Variants in LIN7A observed in about 807,000 individuals in gnomAD.
LIN7A encodes the protein lin-7 cell polarity scaffold A.
LIN7A carries 25 observed loss-of-function variants against 29.8 expected under a neutral mutation model. The ratio of observed to expected loss-of-function variants is 0.84; its 90% CI spans 0.61 to 1.17. The LOEUF (loss-of-function observed/expected upper bound fraction) is 1.17, where lower values mean the gene tolerates loss of function less well. LIN7A is among the 50% of genes most tolerant of loss of function. LIN7A has a pLI of 0.00. For missense variants in LIN7A, 239 were observed against 287.0 expected (o/e 0.83, Z 1.21); for synonymous variants, 118 against 107.5 (o/e 1.10, Z -0.60).
At chr12:80,856,954 T>C (rs1190632804) in intron 2 of LIN7A, among the ~76,000 whole-genome samples, 1 of 152,242 alleles carries the variant, frequency 6.6e-6, no homozygotes, top group Non-Finnish European at 1.5e-5. Context: ...ATTTAGCCTC[T>C]GCACACCTGT....
intron 5 of LIN7A, among the ~76,000 whole-genome samples, chr12:80,799,316 G>C (rs1034554257): frequency 1.3e-5 from 2 of 151,844 alleles, no homozygotes; most frequent in African/African-American, 4.9e-5. Flanking sequence ...AGTGTGTCTT[G>C]TTGATCAAAT....
At chr12:80,900,460 A>T (rs571253640) in intron 1 of LIN7A, among the ~76,000 whole-genome samples, 1 of 152,284 alleles carries the variant, frequency 6.6e-6, no homozygotes, top group Admixed American at 6.5e-5. Flanking sequence ...CTGGTATGTT[A>T]TATCCTTGTT....
At chr12:80,844,485 T>G (rs1272950978) in intron 4 of LIN7A, among the ~76,000 whole-genome samples, 1 of 152,232 alleles carries the variant, frequency 6.6e-6, no homozygotes, top group Non-Finnish European at 1.5e-5. Context: ...AAATATCATG[T>G]TCCAATTACA....
At chr12:80,894,109 T>G (rs192130641) in intron 1 of LIN7A, among the ~76,000 whole-genome samples, 85 of 152,258 alleles carry the variant, frequency 5.6e-4, no homozygotes, top group African/African-American at 2.0e-3. Flanking sequence ...AGGCTTCGAG[T>G]CAGCAACATA....
intron 1 of LIN7A, among the ~76,000 whole-genome samples, chr12:80,912,998 C>T (rs1876843963): frequency 6.6e-6 from 1 of 152,052 alleles, no homozygotes; most frequent in Non-Finnish European, 1.5e-5. Context: ...ATGTCAAATG[C>T]AAGAATTCAC....
chr12:80,909,448 A>G (rs1047217707), intron 1 of LIN7A, among the ~76,000 whole-genome samples: 2 of 152,210 alleles, frequency 1.3e-5, no homozygotes, highest in Non-Finnish European at 2.9e-5. Context: ...TGAAAATACC[A>G]TAGGCTGGGT....
chr12:80,933,339 A>C (rs1177773794), intron 1 of LIN7A, among the ~76,000 whole-genome samples: 1 of 152,150 alleles, frequency 6.6e-6, no homozygotes. Flanking sequence ...TTATAAATGT[A>C]AAAACTGAAA....
rs1021760021 is a variant in LIN7A at position 80,793,656 on chromosome 12, T to G, written c.*4071A>C. 1.3e-5 allele frequency: 2 copies of G among 152,120 alleles called. No individual in the cohort carries two copies. The highest frequency in any genetic ancestry group is 2.9e-5 in the Non-Finnish European group (2 of 68,002). 9.4% of individuals were successfully genotyped at this position (152,120 alleles called of 1,614,324 possible). On this transcript the variant is annotated 3_prime_UTR_variant, in exon 6 of 6. Transcript: ENST00000552864. ...GAATAAACACATGGAAACATCTGAG[T>G]AAGTATGTGATTAAACTTCAGCTTA...
intron 2 of LIN7A, among the ~76,000 whole-genome samples, chr12:80,863,962 C>G (rs1874008048): frequency 6.6e-6 from 1 of 152,018 alleles, no homozygotes; most frequent in Non-Finnish European, 1.5e-5. Flanking sequence ...AATATTTACT[C>G]AACCCTCAAA....
chr12:80,850,621 G>T (rs1023555898), intron 2 of LIN7A, among the ~76,000 whole-genome samples: 1 of 152,140 alleles, frequency 6.6e-6, no homozygotes, highest in Non-Finnish European at 1.5e-5. Context: ...GGTGGCCAAG[G>T]ATGCTGCTAA....
intron 4 of LIN7A, among the ~76,000 whole-genome samples, chr12:80,818,411 T>C (rs1298468052): frequency 6.6e-6 from 1 of 152,220 alleles, no homozygotes; most frequent in Admixed American, 6.5e-5. Flanking sequence ...CCTTGCAACA[T>C]ATCTGTTAAA....
intron 1 of LIN7A, among the ~76,000 whole-genome samples, chr12:80,906,492 A>T (rs1795517): frequency 6.6e-6 from 1 of 151,932 alleles, no homozygotes; most frequent in Non-Finnish European, 1.5e-5. Context: ...TCTTGCTTTC[A>T]CTGGGGGTTG....
chr12:80,909,169 A>G (rs1876630466), intron 1 of LIN7A, among the ~76,000 whole-genome samples: 1 of 152,008 alleles, frequency 6.6e-6, no homozygotes, highest in Admixed American at 6.6e-5. Context: ...TTGAGGTTCA[A>G]TTTTTTGCAT....
intron 2 of LIN7A, among the ~76,000 whole-genome samples, chr12:80,882,783 A>G (rs945522800): frequency 3.3e-5 from 5 of 152,192 alleles, no homozygotes; most frequent in East Asian, 3.9e-4. Context: ...TAGGCACTGT[A>G]TTAGTCAAGG....
chr12:80,895,418 A>AT (rs2120689740), intron 1 of LIN7A, among the ~76,000 whole-genome samples: 1 of 152,322 alleles, frequency 6.6e-6, no homozygotes, highest in African/African-American at 2.4e-5. Context: ...AGACTGTGGA[A>AT]TTTGACTTAT....
chr12:80,826,580 T>A (rs1872090609), intron 4 of LIN7A, among the ~76,000 whole-genome samples: 1 of 152,168 alleles, frequency 6.6e-6, no homozygotes, highest in Admixed American at 6.5e-5. Flanking sequence ...TAGAGTGCGG[T>A]GGCATGGTCT....
intron 4 of LIN7A, among the ~76,000 whole-genome samples, chr12:80,825,563 C>T (rs1459740260): frequency 6.6e-6 from 1 of 152,172 alleles, no homozygotes; most frequent in Non-Finnish European, 1.5e-5. Flanking sequence ...GGAAACAGGG[C>T]TGAAGCTAGG....
Position 80,878,350 on chromosome 12 carries a change from A to C in LIN7A, c.201+10901T>G, listed in dbSNP as rs991520291. Among the ~76,000 whole-genome samples, 8 of 152,194 alleles carry C rather than the reference A, an allele frequency of 5.3e-5. No homozygotes were observed. In the South Asian group the frequency reaches 1.2e-3, roughly 24 times the overall value. ...ACTATACTTTAAAATTCTGTTCCCC[A>C]TGGGTGATGTAGTCATTCTCTTTTT... On this transcript the variant is annotated intron_variant, in intron 2 of 5. Transcript: ENST00000552864.
At chr12:80,819,317 T>A (rs565945474) in intron 4 of LIN7A, among the ~76,000 whole-genome samples, 4 of 152,362 alleles carry the variant, frequency 2.6e-5, no homozygotes, top group African/African-American at 9.6e-5. Context: ...ATTTTCCTGT[T>A]CTAAATGTAG....
Sources: gnomAD v4.1 joint callset for allele counts (sites outside exome capture counted in the v4.1 genomes callset) on GRCh38, gnomAD v4.1.1 for gene constraint, MANE v1.5 for transcripts, NCBI Gene and HGNC (gene_info 2026-07-23, HGNC 2026-07-21) for gene names.